RGL1: variants seen among roughly 807,000 people sequenced by gnomAD.
The protein encoded by RGL1 is ral guanine nucleotide dissociation stimulator like 1, also known as ral guanine nucleotide dissociation stimulator-like 1.
In RGL1, 24 loss-of-function variants were observed where a neutral mutation model predicts 95.2. The ratio of observed to expected loss-of-function variants is 0.25; its 90% CI spans 0.18 to 0.35. The LOEUF (loss-of-function observed/expected upper bound fraction) is 0.35. Among genes scored for constraint, RGL1 ranks in the 10% least tolerant of loss-of-function variants. The pLI is 1.00. For missense variants in RGL1, 715 were observed against 936.3 expected (o/e 0.76, Z 3.08); for synonymous variants, 329 against 344.9 (o/e 0.95, Z 0.51).
At chr1:183,915,256 T>A (rs1484038743) in intron 15 of RGL1, among the ~76,000 whole-genome samples, 3 of 152,236 alleles carry the variant, frequency 2.0e-5, no homozygotes. Context: ...AAAGAAATGT[T>A]ATTTATTTTA....
At chr1:183,804,846 T>A (rs528581749), upstream of RGL1, among the ~76,000 whole-genome samples, 16 of 152,352 alleles carry the variant, frequency 1.1e-4, no homozygotes, top group Middle Eastern at 3.4e-3. Context: ...CTCCTTCCAT[T>A]GTTTTAGCGA....
chr1:183,815,874 A>T (rs1309154341), intron 2 of RGL1, among the ~76,000 whole-genome samples: 1 of 152,080 alleles, frequency 6.6e-6, no homozygotes, highest in East Asian at 1.9e-4. Context: ...GGCCCTCTAG[A>T]ACCCTGCCAT....
chr1:183,742,248 G>C (rs1369274295), exon 2 of RGL1: 29 of 1,614,024 alleles, frequency 1.8e-5, no homozygotes, highest in Non-Finnish European at 2.4e-5. Flanking sequence ...CTGGCTGGTG[G>C]AAGATCATGT....
At chr1:183,638,212 C>T (rs893919776) in intron 1 of RGL1, among the ~76,000 whole-genome samples, 8 of 152,068 alleles carry the variant, frequency 5.3e-5, no homozygotes, top group African/African-American at 1.4e-4. Flanking sequence ...TTTAAATAAT[C>T]GATTGCTCAA....
chr1:183,738,632 G>A (rs1358367246), intron 1 of RGL1, among the ~76,000 whole-genome samples: 2 of 152,164 alleles, frequency 1.3e-5, no homozygotes, highest in Non-Finnish European at 2.9e-5. Flanking sequence ...TGGGTGAGAT[G>A]GCTCATGCCT....
intron 2 of RGL1, among the ~76,000 whole-genome samples, chr1:183,815,283 A>C (rs1366979666): frequency 1.3e-5 from 2 of 152,210 alleles, no homozygotes; most frequent in Non-Finnish European, 2.9e-5. Context: ...CAAAAAAAAA[A>C]AAAATTAAAT....
intron 1 of RGL1, among the ~76,000 whole-genome samples, chr1:183,723,290 C>T (rs192970729): frequency 1.3e-5 from 2 of 152,288 alleles, no homozygotes; most frequent in East Asian, 1.9e-4. Context: ...GTCCTCCTTG[C>T]AGGAACACCA....
chr1:183,738,546 A>T (rs1558181110), intron 1 of RGL1, among the ~76,000 whole-genome samples: 1 of 152,230 alleles, frequency 6.6e-6, no homozygotes, highest in South Asian at 2.1e-4. Context: ...ACTCTGTCAC[A>T]TAGACTTCTA....
At chr1:183,920,424 G>C (rs1669248880) in intron 16 of RGL1, among the ~76,000 whole-genome samples, 1 of 152,206 alleles carries the variant, frequency 6.6e-6, no homozygotes, top group South Asian at 2.1e-4. Context: ...CAGTCTATCA[G>C]CATAAGGATG....
At chr1:183,752,802 A>T (rs1232783304) in intron 2 of RGL1, among the ~76,000 whole-genome samples, 1 of 151,464 alleles carries the variant, frequency 6.6e-6, no homozygotes, top group African/African-American at 2.4e-5. Flanking sequence ...CTTTGAGTAC[A>T]TTGGAAATTT....
chr1:183,786,599 G>T (rs1660192955), intron 2 of RGL1, among the ~76,000 whole-genome samples: 2 of 152,060 alleles, frequency 1.3e-5, no homozygotes, highest in South Asian at 4.1e-4. Context: ...TAGCAATTTG[G>T]GTGCCAGAAT....
intron 1 of RGL1, among the ~76,000 whole-genome samples, chr1:183,696,178 A>G (rs1485799029): frequency 1.3e-5 from 2 of 152,130 alleles, no homozygotes; most frequent in Non-Finnish European, 2.9e-5. Flanking sequence ...CATGGGACCC[A>G]TCATCAGCAT....
chr1:183,875,970 C>T (rs2102623608), intron 4 of RGL1, among the ~76,000 whole-genome samples: 1 of 152,102 alleles, frequency 6.6e-6, no homozygotes, highest in Middle Eastern at 3.4e-3. Flanking sequence ...TCTTTAAGTC[C>T]TCTACAAGTG....
intron 2 of RGL1, among the ~76,000 whole-genome samples, chr1:183,767,848 G>T (rs1659062148): frequency 6.6e-6 from 1 of 152,218 alleles, no homozygotes; most frequent in Non-Finnish European, 1.5e-5. Flanking sequence ...AGCTACTCAG[G>T]AGGCCAAGGC....
chr1:183,883,878 C>G lies in RGL1; in HGVS notation c.703C>G (p.Leu235Val). ...SAEFTCFSED[L>V]VAEQLTYMDA... ...AGAATTCACGTGCTTCTCAGAAGAT[C>G]TCGTGGCAGAGCAGCTGACCTACAT... is the stretch of plus-strand genomic sequence containing the variant. Residue 235 changes from leucine to valine, a missense_variant, in exon 6 of 18, where the codon CTC becomes GTC. Coordinates refer to ENST00000360851, the MANE Select transcript of RGL1 (RefSeq NM_001297671.3). The G allele has an allele frequency of 4.3e-6, 7 of 1,614,058 alleles. No homozygotes were observed. The highest frequency in any genetic ancestry group is 5.9e-6 in the Non-Finnish European group (7 of 1,179,908).
At chr1:183,715,889 G>A (rs1410053520) in intron 1 of RGL1, among the ~76,000 whole-genome samples, 1 of 152,144 alleles carries the variant, frequency 6.6e-6, no homozygotes, top group East Asian at 1.9e-4. Context: ...AGCTGATGTT[G>A]TAGTTCTAGT....
Position 183,847,581 on chromosome 1 carries a change from C to T in RGL1, c.154C>T (p.Leu52=). Residue 52 remains leucine, a synonymous_variant, in exon 3 of 18, where the codon CTG becomes TTG. Coordinates refer to ENST00000360851, the MANE Select transcript of RGL1 (RefSeq NM_001297671.3). ...TATTATACAGGTTGAAGGGGACCAG[C>T]TGCCTCCAGGACACACAGTCAGTCA... ...ARWLGVEGDQ[L]PPGHTVSQYE... 6.2e-7 allele frequency: 1 copy of T among 1,613,984 alleles called. No homozygotes were observed.
At chr1:183,790,321 T>G (rs934830398) in intron 2 of RGL1, among the ~76,000 whole-genome samples, 1 of 152,188 alleles carries the variant, frequency 6.6e-6, no homozygotes, top group African/African-American at 2.4e-5. Context: ...AGGTCCACTT[T>G]TGTCCTGGAA....
chr1:183,836,991 C>A (rs933520906), intron 2 of RGL1, among the ~76,000 whole-genome samples: 3 of 152,104 alleles, frequency 2.0e-5, no homozygotes, highest in Non-Finnish European at 2.9e-5. Context: ...ACAGTGGGAA[C>A]TAAATGTTCC....
Sources: gnomAD v4.1 joint callset for allele counts (sites outside exome capture counted in the v4.1 genomes callset) on GRCh38, gnomAD v4.1.1 for gene constraint, MANE v1.5 for transcripts, NCBI Gene and HGNC (gene_info 2026-07-23, HGNC 2026-07-21) for gene names.